Variants in ARID1B observed in about 807,000 individuals in gnomAD.
ARID1B encodes AT-rich interactive domain-containing protein 1B.
In ARID1B, 30 loss-of-function variants were observed where a neutral mutation model predicts 212.3. The observed-to-expected ratio is 0.14, with a 90% confidence interval of 0.11 to 0.19. ARID1B has a LOEUF of 0.19. Among genes scored for constraint, ARID1B ranks in the 10% least tolerant of loss-of-function variants. The probability of loss-of-function intolerance (pLI) is 1.00; values close to 1 mark genes in which losing one functional copy is unlikely to be tolerated. For missense variants in ARID1B, 2,891 were observed against 3,204.0 expected (o/e 0.90, Z 2.36); for synonymous variants, 1,402 against 1,301.7 (o/e 1.08, Z -1.66).
At position 157,209,128 on chromosome 6, in the gene ARID1B, TAA is replaced by T. The variant is rs545023901; in HGVS notation, c.*1250_*1251del. 420 of 205,462 alleles carry T rather than the reference TAA, an allele frequency of 2.0e-3. No individual in the cohort carries two copies. The highest frequency in any genetic ancestry group is 4.5e-3 in the Middle Eastern group (3 of 666). The allele number at this position is 205,462 out of a possible 1,614,324, so 12.7% of individuals were successfully genotyped here. On this transcript the variant is annotated 3_prime_UTR_variant, in exon 20 of 20. Coordinates refer to ENST00000636930, the MANE Select transcript of ARID1B (RefSeq NM_001374828.1). ...ATTTGTATTTCAAGATAATGTAGTT[TAA>T]AAAAAAAAAAAAGAAAAAAACTTGA...
chr6:157,182,284 A>T (rs1792604142), intron 12 of ARID1B, among the ~76,000 whole-genome samples: 1 of 152,176 alleles, frequency 6.6e-6, no homozygotes, highest in African/African-American at 2.4e-5. Context: ...AAATAGAATA[A>T]TGCTGTAGCC....
intron 7 of ARID1B, among the ~76,000 whole-genome samples, chr6:157,144,570 A>C (rs979653889): frequency 2.6e-5 from 4 of 152,210 alleles, no homozygotes; most frequent in African/African-American, 7.2e-5. Flanking sequence ...ATCTTATCAG[A>C]TCATCTGGAA....
chr6:156,936,826 A>G (rs1362401093), intron 4 of ARID1B: 2 of 147,774 alleles, frequency 1.4e-5, no homozygotes, highest in Non-Finnish European at 3.0e-5. Context: ...GCATTAACTT[A>G]GATTTATTAC....
At position 156,897,264 on chromosome 6, in the gene ARID1B, C is replaced by CTTCTTCTTCTTCTTCTTATTATTA. The variant is rs71027320; in HGVS notation, c.1987-4110_1987-4109insCTTCTTCTTCTTCTTATTATTATT. On this transcript the variant is annotated intron_variant, in intron 2 of 19. Transcript: ENST00000636930. Reference sequence around the variant, plus strand: ...TCTTCTTCTTCTTCTTCTTCTTCTTCTTATTATTATTATTATTATTATTAT... The same window carrying CTTCTTCTTCTTCTTCTTATTATTA: ...TCTTCTTCTTCTTCTTCTTCTTCTTCTTCTTCTTCTTCTTCTTATTATTATTATTATTATTATTATTATTATTAT... 3.2e-3 allele frequency among the ~76,000 whole-genome samples: 266 copies of CTTCTTCTTCTTCTTCTTATTATTA among 83,554 alleles called. 1 individual carries two copies. The highest frequency in any genetic ancestry group is 5.2e-3 in the Middle Eastern group (1 of 194). 54.8% of individuals were successfully genotyped at this position (83,554 alleles called of 152,430 possible). A position where few individuals can be genotyped will look rare whatever the true frequency, so the allele number is the denominator to read the frequency against.
In ARID1B at chr6:156,779,311, G is replaced by GGGC. The variant is rs1367431735; in HGVS notation, c.1640_1642dup (p.Ala547dup). ...CCCCAGTCCCAGGCGGCGGCGGCGGGGGCGGCGGCGGGCGGCCAGCAGGCG... is the reference window on the plus strand; with the variant it reads ...CCCCAGTCCCAGGCGGCGGCGGCGGGGGCGGCGGCGGCGGGCGGCCAGCAGGCG... On this transcript the variant is annotated inframe_insertion, in exon 1 of 20. Transcript: ENST00000636930. 94 of 1,133,712 alleles carry GGGC rather than the reference G, an allele frequency of 8.3e-5. No homozygotes were observed. Among genetic ancestry groups the GGGC allele is most frequent in the Non-Finnish European group, 8.7e-5 (81 of 927,470 alleles). 70.2% of individuals were successfully genotyped at this position (1,133,712 alleles called of 1,614,324 possible).
chr6:157,012,986 TCTC>T (rs1286949397), intron 4 of ARID1B, among the ~76,000 whole-genome samples: 2 of 152,178 alleles, frequency 1.3e-5, no homozygotes, highest in Non-Finnish European at 2.9e-5. Flanking sequence ...TTGAAGCAAT[TCTC>T]CTGCTTCAGC....
chr6:156,930,344 G>A (rs1791597704), intron 3 of ARID1B, among the ~76,000 whole-genome samples: 1 of 152,148 alleles, frequency 6.6e-6, no homozygotes, highest in African/African-American at 2.4e-5. Context: ...CACTGTGTGA[G>A]CCACCTCACT....
At chr6:157,149,111 G>A (rs1790015916) in intron 8 of ARID1B, 160 bp downstream of exon 8, 6 of 718,910 alleles carry the variant, frequency 8.3e-6, no homozygotes, top group Non-Finnish European at 9.0e-6. Context: ...CTGTAGCATC[G>A]AGGTCAGAGA....
At chr6:157,002,022 T>C (rs189732072) in intron 4 of ARID1B, among the ~76,000 whole-genome samples, 25 of 152,236 alleles carry the variant, frequency 1.6e-4, no homozygotes, top group African/African-American at 5.8e-4. Context: ...GCCTGTGACA[T>C]TGGGTTGCTG....
At chr6:156,907,471 A>G (rs944766157) in intron 3 of ARID1B, among the ~76,000 whole-genome samples, 2 of 152,192 alleles carry the variant, frequency 1.3e-5, no homozygotes, top group Admixed American at 1.3e-4. Context: ...ACATAGCCTC[A>G]TGATATATTG....
intron 6 of ARID1B, among the ~76,000 whole-genome samples, chr6:157,130,016 A>G (rs1234052853): frequency 6.6e-6 from 1 of 152,140 alleles, no homozygotes; most frequent in African/African-American, 2.4e-5. Flanking sequence ...TAAAAGTACA[A>G]AAATCAGCTG....
At chr6:157,017,819 C>G (rs988431211) in intron 4 of ARID1B, among the ~76,000 whole-genome samples, 1 of 152,050 alleles carries the variant, frequency 6.6e-6, no homozygotes, top group Non-Finnish European at 1.5e-5. Flanking sequence ...TGTCTAGAGC[C>G]TAAACATCTC....
intron 13 of ARID1B, chr6:157,184,679 C>A: frequency 1.7e-6 from 1 of 573,744 alleles, no homozygotes; most frequent in African/African-American, 1.9e-5. Flanking sequence ...TTTTGCTTTA[C>A]CTTAATCAAA....
In ARID1B at chr6:156,778,359, G is replaced by A. The variant is rs1378319000; in HGVS notation, c.679G>A (p.Gly227Ser). The A allele has an allele frequency of 2.6e-6, 4 of 1,540,044 alleles. No individual in the cohort carries two copies. Among genetic ancestry groups the A allele is most frequent in the Non-Finnish European group, 2.6e-6 (3 of 1,146,228 alleles). The change falls in exon 1 of 20, where the codon GGC (glycine) becomes AGC (serine). Residue 227 changes from glycine (G) to serine (S), a missense_variant. Physicochemically the swap from Gly to Ser is moderately conservative, Grantham distance 56. This residue lies in a region of ARID1B where 1,643 missense variants were observed against 1,544.0 expected (regional missense o/e 1.06). Coordinates refer to ENST00000636930, the MANE Select transcript of ARID1B (RefSeq NM_001374828.1). The part of the protein sequence containing the change: ...ISNNNSLGGA[G>S]GGAPQPGPDM... The stretch of plus-strand genomic sequence containing the variant: ...CAACAACAACAGCTTGGGCGGCGCG[G>A]GCGGCGGCGCGCCTCAGCCCGGCCC...
intron 11 of ARID1B, among the ~76,000 whole-genome samples, chr6:157,179,328 G>A (rs1468317784): frequency 6.6e-6 from 1 of 152,150 alleles, no homozygotes; most frequent in East Asian, 1.9e-4. Flanking sequence ...CTGCCCGGAT[G>A]AGAGTCTTGT....
intron 2 of ARID1B, among the ~76,000 whole-genome samples, chr6:156,855,208 C>T (rs753586386): frequency 6.6e-6 from 1 of 152,116 alleles, no homozygotes; most frequent in Non-Finnish European, 1.5e-5. Context: ...CTAAGTTATT[C>T]TTAAGAATTA....
chr6:157,155,317 T>C (rs1790505396), intron 8 of ARID1B, among the ~76,000 whole-genome samples: 1 of 152,110 alleles, frequency 6.6e-6, no homozygotes, highest in Non-Finnish European at 1.5e-5. Context: ...GAATTGTGAA[T>C]TGTGGGGGAG....
chr6:156,792,098 G>A (rs1472907860), intron 1 of ARID1B, among the ~76,000 whole-genome samples: 1 of 152,178 alleles, frequency 6.6e-6, no homozygotes, highest in Non-Finnish European at 1.5e-5. Flanking sequence ...TCATATGAGA[G>A]TTATTAGCTT....
Position 157,196,263 on chromosome 6 carries a change from C to T in ARID1B, c.4330C>T (p.Leu1444=). The change falls in exon 16 of 20, where the codon CTG becomes TTG. Residue 1444 remains leucine, a synonymous_variant. Transcript: ENST00000636930. ...AAGTCCCTCCGGAGCAATGTCTAAC[C>T]TGGGCATGGGGCAGCGCCAGCAGTT... ...NQSPSGAMSN[L]GMGQRQQFPY... The T allele has an allele frequency of 6.2e-7, 1 of 1,612,460 alleles. No individual in the cohort carries two copies. Among genetic ancestry groups the T allele is most frequent in the Non-Finnish European group, 8.5e-7 (1 of 1,179,630 alleles).
Sources: allele counts gnomAD v4.1 joint callset (sites outside exome capture counted in the v4.1 genomes callset), GRCh38; gene constraint gnomAD v4.1.1; regional missense constraint gnomAD v4.1.1; transcripts MANE v1.5; gene names NCBI Gene and HGNC (gene_info 2026-07-23, HGNC 2026-07-21).